Variants in KIF5C observed in about 807,000 individuals in gnomAD.
The protein encoded by KIF5C is kinesin heavy chain isoform 5C.
Under a neutral mutation model 125.2 loss-of-function variants are expected in KIF5C, and 18 were observed. That is an observed-to-expected ratio of 0.14 (90% CI 0.10 to 0.21). KIF5C has a LOEUF of 0.21. Ranked by LOEUF, KIF5C falls within the 10% of genes least tolerant of loss-of-function variation. The pLI is 1.00. For synonymous variants in KIF5C, 405 were observed against 434.0 expected (o/e 0.93, Z 0.83); for missense variants, 780 against 1,183.8 (o/e 0.66, Z 5.01).
At position 148,981,566 on chromosome 2, in the gene KIF5C, G is replaced by A. The variant is rs1452232786; in HGVS notation, c.1569+5G>A. ...GACGAGCTGGCCCAGAAAACGGTTG[G>A]AGCATTTGTGTCTAGGGGGTGGGAC... On this transcript the variant is annotated splice_donor_5th_base_variant and intron_variant, in intron 14 of 25. Transcript: ENST00000435030. 3 of 1,584,184 alleles carry A rather than the reference G, an allele frequency of 1.9e-6. No individual in the cohort carries two copies. Among genetic ancestry groups the A allele is most frequent in the Non-Finnish European group, 2.6e-6 (3 of 1,165,440 alleles).
intron 25 of KIF5C, among the ~76,000 whole-genome samples, chr2:149,021,789 G>C (rs980416677): frequency 2.0e-5 from 3 of 150,300 alleles, no homozygotes; most frequent in Admixed American, 6.6e-5. Flanking sequence ...CCAGTACCAG[G>C]TAATTCCATG....
At chr2:148,911,287 G>T (rs577662795) in intron 1 of KIF5C, among the ~76,000 whole-genome samples, 1 of 152,152 alleles carries the variant, frequency 6.6e-6, no homozygotes, top group Non-Finnish European at 1.5e-5. Context: ...AGGAGAAAAA[G>T]AAAAATTGGC....
intron 1 of KIF5C, among the ~76,000 whole-genome samples, chr2:148,911,864 G>C (rs1300354011): frequency 6.6e-6 from 1 of 152,084 alleles, no homozygotes; most frequent in Non-Finnish European, 1.5e-5. Flanking sequence ...ACTATTATCT[G>C]CTGGCCCATC....
chr2:148,902,616 C>T (rs370590086), intron 1 of KIF5C, among the ~76,000 whole-genome samples: 1 of 152,188 alleles, frequency 6.6e-6, no homozygotes, highest in East Asian at 1.9e-4. Context: ...TGCCCTCGGC[C>T]CAGGAACATC....
chr2:149,011,810 G>T, intron 25 of KIF5C, 127 bp downstream of exon 25: 1 of 1,318,742 alleles, frequency 7.6e-7, no homozygotes, highest in East Asian at 2.5e-5. Context: ...ACACCCTGGG[G>T]GTTCCAGGTA....
Position 148,922,211 on chromosome 2 carries a change from G to A in KIF5C, c.201G>A (p.Ala67=), listed in dbSNP as rs1469750079. The change falls in exon 2 of 26, where the codon GCG becomes GCA. Residue 67 remains alanine, a synonymous_variant. Coordinates refer to ENST00000435030, the MANE Select transcript of KIF5C (RefSeq NM_004522.3). ...AAGAGCAGGTTTACAATGCATGTGCGAAGCAAATTGTCAAAGGTAAGTGCT... is the reference window on the plus strand; with the variant it reads ...AAGAGCAGGTTTACAATGCATGTGCAAAGCAAATTGTCAAAGGTAAGTGCT... ...TTQEQVYNAC[A]KQIVKDVLEG... The A allele has an allele frequency of 2.5e-6, 4 of 1,610,758 alleles. No individual in the cohort carries two copies. The highest frequency in any genetic ancestry group is 3.4e-6 in the Non-Finnish European group (4 of 1,177,680).
Position 148,935,073 on chromosome 2 carries a change from TC to T in KIF5C, c.292-2209del, listed in dbSNP as rs751048673. On this transcript the variant is annotated intron_variant, in intron 3 of 25. Transcript: ENST00000435030. ...GTGGTAGATGTGGGTATGCTTCTGT[TC>T]CTGTGGGGATGGGAGGCATTATTAT... is the stretch of plus-strand genomic sequence containing the variant. 36 of 416,436 alleles carry T rather than the reference TC, an allele frequency of 8.6e-5. 1 individual carries two copies. The highest frequency in any genetic ancestry group is 2.8e-4 in the South Asian group (16 of 58,146). 25.8% of individuals were successfully genotyped at this position (416,436 alleles called of 1,614,324 possible). A position where few individuals can be genotyped will look rare whatever the true frequency, so the allele number is the denominator to read the frequency against.
At chr2:148,901,826 G>A (rs1174655640) in intron 1 of KIF5C, among the ~76,000 whole-genome samples, 2 of 152,102 alleles carry the variant, frequency 1.3e-5, no homozygotes, top group African/African-American at 2.4e-5. Context: ...ACATTTCAGA[G>A]GAAATACTGT....
At chr2:149,022,781 G>A (rs781475964) in intron 25 of KIF5C, among the ~76,000 whole-genome samples, 3 of 152,066 alleles carry the variant, frequency 2.0e-5, no homozygotes, top group South Asian at 2.1e-4. Context: ...AAAATTAGCC[G>A]GGTGTGGTGG....
At chr2:148,983,831 C>A in intron 15 of KIF5C, 65 bp downstream of exon 15, 1 of 1,465,144 alleles carries the variant, frequency 6.8e-7, no homozygotes, top group South Asian at 1.6e-5. Context: ...CTGTGCTTTA[C>A]TCTTTTAAGC....
chr2:148,978,334 G>GT (rs71406035), intron 12 of KIF5C, among the ~76,000 whole-genome samples: 41,213 of 78,480 alleles, frequency 0.53, 13,550 homozygotes, highest in Non-Finnish European at 0.62. Context: ...CTGCCCTGAG[G>GT]TTTTTTTTTT....
At chr2:148,948,085 C>T (rs111543209) in intron 8 of KIF5C, 25,585 of 443,184 alleles carry the variant, frequency 0.058, 988 homozygotes, top group Non-Finnish European at 0.077. Context: ...CAGTGGCTCA[C>T]GCCTGTAATC....
At chr2:148,940,520 G>A (rs1682385215) in intron 4 of KIF5C, among the ~76,000 whole-genome samples, 3 of 152,146 alleles carry the variant, frequency 2.0e-5, no homozygotes, top group Admixed American at 6.5e-5. Context: ...AGTCAGAGCT[G>A]GGACCAGTGC....
At chr2:149,001,989 C>T (rs1681863710) in intron 21 of KIF5C, among the ~76,000 whole-genome samples, 1 of 152,176 alleles carries the variant, frequency 6.6e-6, no homozygotes, top group African/African-American at 2.4e-5. Flanking sequence ...AGGGCACCAG[C>T]CATTGGAGAC....
chr2:148,963,239 T>G (rs981834183), intron 11 of KIF5C, among the ~76,000 whole-genome samples: 1 of 152,034 alleles, frequency 6.6e-6, no homozygotes, highest in African/African-American at 2.4e-5. Context: ...AAGTTGTTCT[T>G]CAGGTCCTCT....
chr2:148,897,918 CAAAAAAAAAAAAAAAAAAAAAAAAAA>C (rs55762538), intron 1 of KIF5C, among the ~76,000 whole-genome samples: 2 of 20,426 alleles, frequency 9.8e-5, no homozygotes, highest in African/African-American at 2.3e-4. Flanking sequence ...GACTCAGTCT[CAAAAAAAAAAAAAAAAAAAAAAAAAA>C]AAAAAAAAAA....
intron 1 of KIF5C, among the ~76,000 whole-genome samples, chr2:148,891,089 C>T (rs927031272): frequency 6.6e-6 from 1 of 152,078 alleles, no homozygotes; most frequent in African/African-American, 2.4e-5. Flanking sequence ...AAGAATTTTG[C>T]ATTGTGGGTC....
chr2:148,900,805 G>A (rs1680869125), intron 1 of KIF5C, among the ~76,000 whole-genome samples: 1 of 152,172 alleles, frequency 6.6e-6, no homozygotes, highest in African/African-American at 2.4e-5. Context: ...AAGTGATTAT[G>A]GTTCAGTGTT....
chr2:148,892,659 A>G (rs1292934544), intron 1 of KIF5C, among the ~76,000 whole-genome samples: 4 of 152,200 alleles, frequency 2.6e-5, no homozygotes, highest in Non-Finnish European at 5.9e-5. Context: ...TTACTTGGAA[A>G]CCTCTTAGGC....
Sources: allele counts gnomAD v4.1 joint callset (sites outside exome capture counted in the v4.1 genomes callset), GRCh38; gene constraint gnomAD v4.1.1; transcripts MANE v1.5; gene names NCBI Gene and HGNC (gene_info 2026-07-23, HGNC 2026-07-21).